PRKG1: variants seen among roughly 807,000 people sequenced by gnomAD.
PRKG1 encodes the protein cGMP-dependent protein kinase 1.
PRKG1 carries 35 observed loss-of-function variants against 88.1 expected under a neutral mutation model. The ratio of observed to expected loss-of-function variants is 0.40; its 90% CI spans 0.30 to 0.53. The LOEUF is 0.53. Among genes scored for constraint, PRKG1 ranks in the 20% least tolerant of loss-of-function variants. The pLI, the probability that PRKG1 is intolerant of heterozygous loss-of-function variation, is 0.59. For synonymous variants in PRKG1, 303 were observed against 292.5 expected, an observed-to-expected ratio of 1.04 and a Z score of -0.37; for missense variants, 540 against 839.8, an observed-to-expected ratio of 0.64 and a Z score of 4.41.
intron 3 of PRKG1, among the ~76,000 whole-genome samples, chr10:51,599,652 G>C (rs1284194293): frequency 6.6e-6 from 1 of 152,016 alleles, no homozygotes; most frequent in Non-Finnish European, 1.5e-5. Flanking sequence ...TACCAGTCCT[G>C]ATTAAAACCA....
chr10:51,526,906 C>G (rs184163497), intron 3 of PRKG1, among the ~76,000 whole-genome samples: 1 of 152,242 alleles, frequency 6.6e-6, no homozygotes, highest in African/African-American at 2.4e-5. Context: ...TTATGTTTCA[C>G]CTCCTCCATG....
At chr10:51,101,342 C>A (rs191435445) in intron 1 of PRKG1, among the ~76,000 whole-genome samples, 410 of 152,204 alleles carry the variant, frequency 2.7e-3, no homozygotes, top group African/African-American at 9.1e-3. Flanking sequence ...GAGGCTTCAC[C>A]AGAAACCCAA....
intron 1 of PRKG1, among the ~76,000 whole-genome samples, chr10:51,138,675 GTTTTTTTTTTTTT>G (rs71459405): frequency 1.5e-5 from 1 of 68,490 alleles, no homozygotes; most frequent in Admixed American, 1.9e-4. Context: ...ATTGAGTTTT[GTTTTTTTTTTTTT>G]TTTTTTTTTT....
At chr10:51,567,299 C>T (rs923015766) in intron 3 of PRKG1, among the ~76,000 whole-genome samples, 1 of 151,994 alleles carries the variant, frequency 6.6e-6, no homozygotes, top group East Asian at 1.9e-4. Context: ...GCACCAAAAG[C>T]AAAAGAAAGC....
chr10:51,949,643 G>A (rs1160611333), intron 5 of PRKG1, among the ~76,000 whole-genome samples: 1 of 152,090 alleles, frequency 6.6e-6, no homozygotes, highest in African/African-American at 2.4e-5. Context: ...ATTGGCTAGA[G>A]TACAGCCTGA....
At chr10:51,303,492 A>G (rs1220132969) in intron 2 of PRKG1, among the ~76,000 whole-genome samples, 1 of 151,598 alleles carries the variant, frequency 6.6e-6, no homozygotes, top group Non-Finnish European at 1.5e-5. Flanking sequence ...TTGATGGAAA[A>G]CTGATCAGCC....
At chr10:51,890,817 G>T (rs1841701007) in intron 4 of PRKG1, among the ~76,000 whole-genome samples, 1 of 152,136 alleles carries the variant, frequency 6.6e-6, no homozygotes, top group Non-Finnish European at 1.5e-5. Context: ...TTAGTTGAGT[G>T]TGATGGTGCA....
At chr10:51,192,889 C>T (rs555893308) in intron 2 of PRKG1, among the ~76,000 whole-genome samples, 3 of 152,030 alleles carry the variant, frequency 2.0e-5, no homozygotes, top group Admixed American at 1.3e-4. Flanking sequence ...CCCATTCAGT[C>T]TTGTTTATTT....
At chr10:51,129,858 C>G (rs927684161) in intron 1 of PRKG1, among the ~76,000 whole-genome samples, 5 of 152,106 alleles carry the variant, frequency 3.3e-5, no homozygotes, top group Non-Finnish European at 4.4e-5. Flanking sequence ...GGGCCCTGGT[C>G]CTATCAAATT....
intron 5 of PRKG1, among the ~76,000 whole-genome samples, chr10:52,002,827 A>G (rs909673043): frequency 1.3e-5 from 2 of 152,208 alleles, no homozygotes; most frequent in African/African-American, 2.4e-5. Flanking sequence ...CTCTCTTGAC[A>G]TATATGGTTA....
chr10:51,026,776 G>A (rs554268813), intron 1 of PRKG1, among the ~76,000 whole-genome samples: 1 of 152,268 alleles, frequency 6.6e-6, no homozygotes, highest in South Asian at 2.1e-4. Context: ...ATAGGGTGGA[G>A]GAAAAGGCAG....
intron 9 of PRKG1, among the ~76,000 whole-genome samples, chr10:52,213,455 C>T (rs1024702041): frequency 1.3e-5 from 2 of 152,180 alleles, no homozygotes; most frequent in African/African-American, 4.8e-5. Context: ...AGGAAAAAGT[C>T]TTGGTGACCA....
At chr10:52,081,431 A>C (rs1181668537) in intron 7 of PRKG1, among the ~76,000 whole-genome samples, 4 of 152,198 alleles carry the variant, frequency 2.6e-5, no homozygotes, top group Non-Finnish European at 5.9e-5. Context: ...CTTTGTAGAC[A>C]GATCCTGATA....
At chr10:51,120,379 G>A (rs1293026414) in intron 1 of PRKG1, among the ~76,000 whole-genome samples, 1 of 152,080 alleles carries the variant, frequency 6.6e-6, no homozygotes, top group Non-Finnish European at 1.5e-5. Flanking sequence ...GGAAAAAGGT[G>A]TACAAAGGGA....
chr10:51,245,218 T>C (rs1307254028), intron 2 of PRKG1: 4 of 152,078 alleles, frequency 2.6e-5, no homozygotes, highest in Non-Finnish European at 4.4e-5. Context: ...ACTCTGAATA[T>C]GAGAGGCTTC....
At chr10:51,315,575 C>T (rs1436177609) in intron 2 of PRKG1, among the ~76,000 whole-genome samples, 2 of 152,244 alleles carry the variant, frequency 1.3e-5, no homozygotes, top group East Asian at 3.9e-4. Flanking sequence ...GGCCGAGGCA[C>T]TGACTATCCG....
At chr10:51,699,054 G>A in intron 3 of PRKG1, 1 of 1,614,222 alleles carries the variant, frequency 6.2e-7, no homozygotes, top group Non-Finnish European at 8.5e-7. Context: ...GCCAGTTGTG[G>A]ATTTTGAAGT....
intron 2 of PRKG1, among the ~76,000 whole-genome samples, chr10:51,258,116 C>T (rs1469675347): frequency 6.6e-6 from 1 of 152,092 alleles, no homozygotes; most frequent in Admixed American, 6.5e-5. Flanking sequence ...GGGAGCTAAT[C>T]GGGTCCATTT....
chr10:51,760,472 GT>G (rs761249668), intron 3 of PRKG1, among the ~76,000 whole-genome samples: 163 of 110,042 alleles, frequency 1.5e-3, no homozygotes, highest in African/African-American at 3.4e-3. Context: ...TTGACTTTTC[GT>G]TTTTTTTTTT....
Sources: allele counts gnomAD v4.1 joint callset (sites outside exome capture counted in the v4.1 genomes callset), GRCh38; gene constraint gnomAD v4.1.1; transcripts MANE v1.5; gene names NCBI Gene and HGNC (gene_info 2026-07-23, HGNC 2026-07-21).